Variants in MAPDA observed in about 807,000 individuals in gnomAD.
MAPDA encodes the protein N6,N6-dimethyl-AMP deaminase.
At chr15:43,337,035 G>A in the MAPDA span, among the ~76,000 whole-genome samples, 2 of 151,918 alleles carry the variant, frequency 1.3e-5, no homozygotes, top group Non-Finnish European at 2.9e-5. Context: ...CTGGGAGGCC[G>A]AGGTGGGCGG....
At chr15:43,330,585 A>G in the MAPDA span, 2 of 1,378,270 alleles carry the variant, frequency 1.5e-6, no homozygotes, top group South Asian at 1.6e-5. Flanking sequence ...GAAAAAAACC[A>G]CCCATGCTCC....
At chr15:43,332,255 TTTGAG>T in the MAPDA span, 1 of 152,140 alleles carries the variant, frequency 6.6e-6, no homozygotes, top group African/African-American at 2.4e-5. Flanking sequence ...ATTTGAGCAG[TTTGAG>T]AATTGCTTCT....
At chr15:43,335,327 G>A in the MAPDA span, among the ~76,000 whole-genome samples, 2 of 152,180 alleles carry the variant, frequency 1.3e-5, no homozygotes, top group South Asian at 4.1e-4. Context: ...CCTGAGGTCA[G>A]GAGTTTGAGA....
the MAPDA span, among the ~76,000 whole-genome samples, chr15:43,342,080 C>T: frequency 6.6e-6 from 1 of 152,100 alleles, no homozygotes; most frequent in African/African-American, 2.4e-5. Flanking sequence ...CTCAGGTGAT[C>T]GGCCCGCCTC....
chr15:43,337,216 C>T, the MAPDA span, among the ~76,000 whole-genome samples: 11 of 139,916 alleles, frequency 7.9e-5, no homozygotes, highest in Admixed American at 4.7e-4. Context: ...GTGGAGCTTG[C>T]GGAGAGCCGA....
At chr15:43,345,915 G>A in the MAPDA span, 1 of 1,614,212 alleles carries the variant, frequency 6.2e-7, no homozygotes, top group Non-Finnish European at 8.5e-7. Context: ...TGTAAAACTT[G>A]CCGAGGAGTT....
chr15:43,335,162 C>T, the MAPDA span: 4 of 1,613,238 alleles, frequency 2.5e-6, no homozygotes, highest in Non-Finnish European at 2.5e-6. Flanking sequence ...TTCTGAATTG[C>T]CAAAAGTGGT....
chr15:43,335,617 A>C, the MAPDA span: 5 of 1,455,378 alleles, frequency 3.4e-6, no homozygotes, highest in Non-Finnish European at 4.6e-6. Context: ...GCCTATTGCA[A>C]ACTACCAACA....
chr15:43,337,503 A>C, the MAPDA span, among the ~76,000 whole-genome samples: 1 of 152,196 alleles, frequency 6.6e-6, no homozygotes, highest in East Asian at 1.9e-4. Context: ...GCTCCATGAT[A>C]CTAGAGTCTG....
chr15:43,338,905 C>CA, the MAPDA span, among the ~76,000 whole-genome samples: 1 of 152,190 alleles, frequency 6.6e-6, no homozygotes, highest in Admixed American at 6.5e-5. Flanking sequence ...GGTACCTAGC[C>CA]ACTCAGAAAG....
At chr15:43,336,451 T>C in the MAPDA span, among the ~76,000 whole-genome samples, 15 of 152,156 alleles carry the variant, frequency 9.9e-5, no homozygotes, top group Admixed American at 9.2e-4. Context: ...ATCAGTAATG[T>C]TTTATTTTCT....
the MAPDA span, among the ~76,000 whole-genome samples, chr15:43,342,446 T>TAAAAAAA: frequency 8.8e-6 from 1 of 113,608 alleles, no homozygotes; most frequent in East Asian, 2.4e-4. Context: ...ATATCCCTTT[T>TAAAAAAA]AAAAAAAAAA....
the MAPDA span, among the ~76,000 whole-genome samples, chr15:43,341,964 GAGTAGC>G: frequency 6.6e-6 from 1 of 151,866 alleles, no homozygotes; most frequent in African/African-American, 2.4e-5. Flanking sequence ...TCAGCCTCCC[GAGTAGC>G]AGGGATTATA....
At chr15:43,330,709 T>C in the MAPDA span, 1 of 468,462 alleles carries the variant, frequency 2.1e-6, no homozygotes, top group Non-Finnish European at 3.8e-6. Flanking sequence ...TGACCTTTCT[T>C]TGGAATGTCG....
the MAPDA span, among the ~76,000 whole-genome samples, chr15:43,338,680 G>A: frequency 4.7e-4 from 72 of 152,272 alleles, no homozygotes; most frequent in African/African-American, 1.7e-3. Flanking sequence ...CATAGGAGAG[G>A]AAAGCCCAAA....
the MAPDA span, chr15:43,343,065 A>G: frequency 1.9e-6 from 3 of 1,575,788 alleles, no homozygotes; most frequent in Non-Finnish European, 2.6e-6. Context: ...AAACTTGGAC[A>G]TTGATGTTAG....
the MAPDA span, among the ~76,000 whole-genome samples, chr15:43,350,361 A>G: frequency 1.3e-5 from 2 of 151,842 alleles, no homozygotes; most frequent in African/African-American, 4.8e-5. Flanking sequence ...TACAGGCGTG[A>G]GTCACCATGC....
chr15:43,350,214 T>C, the MAPDA span, among the ~76,000 whole-genome samples: 4 of 150,716 alleles, frequency 2.7e-5, no homozygotes, highest in Non-Finnish European at 4.4e-5. Context: ...AACAGGCGCC[T>C]GCCACCACGC....
At chr15:43,343,078 A>G in the MAPDA span, 98,625 of 1,556,366 alleles carry the variant, frequency 0.063, 3,632 homozygotes, top group Non-Finnish European at 0.075. Flanking sequence ...GATGTTAGGT[A>G]AGAAGATTGT....
Sources: allele counts gnomAD v4.1 joint callset (sites outside exome capture counted in the v4.1 genomes callset), GRCh38; gene constraint gnomAD v4.1.1; transcripts MANE v1.5; gene names NCBI Gene and HGNC (gene_info 2026-07-23, HGNC 2026-07-21).